CENPP: variants seen among roughly 807,000 people sequenced by gnomAD.
The protein encoded by CENPP is centromere protein P.
CENPP carries 24 observed loss-of-function variants against 35.6 expected under a neutral mutation model. The ratio of observed to expected loss-of-function variants is 0.67; its 90% CI spans 0.49 to 0.95. The LOEUF is 0.95. Among genes scored for constraint, CENPP ranks in the 40% least tolerant of loss-of-function variants. CENPP has a pLI of 0.00. For missense variants in CENPP, 332 were observed against 345.3 expected (o/e 0.96, Z 0.31); for synonymous variants, 120 against 125.5 (o/e 0.96, Z 0.29).
intron 5 of CENPP, among the ~76,000 whole-genome samples, chr9:92,450,852 G>C (rs938604206): frequency 6.6e-6 from 1 of 152,118 alleles, no homozygotes; most frequent in Non-Finnish European, 1.5e-5. Context: ...GTCAGTGATG[G>C]TGAGCATTTT....
At chr9:92,519,235 T>C (rs1847916397) in intron 5 of CENPP, among the ~76,000 whole-genome samples, 1 of 152,156 alleles carries the variant, frequency 6.6e-6, no homozygotes, top group South Asian at 2.1e-4. Flanking sequence ...AAAATACACA[T>C]ATGAGTTTCT....
intron 5 of CENPP, chr9:92,496,363 G>A (rs1372174472): frequency 6.2e-7 from 1 of 1,604,868 alleles, no homozygotes; most frequent in Non-Finnish European, 8.5e-7. Flanking sequence ...ATGATCTTAT[G>A]CATGAAAATG....
At chr9:92,478,679 C>G (rs1845800806) in intron 5 of CENPP, among the ~76,000 whole-genome samples, 1 of 152,110 alleles carries the variant, frequency 6.6e-6, no homozygotes, top group South Asian at 2.1e-4. Flanking sequence ...TCTTGAACTC[C>G]TGACCTTAAG....
At chr9:92,611,232 C>G (rs1259818739) in intron 5 of CENPP, 82 bp from the exon 6 acceptor site, 1 of 1,158,330 alleles carries the variant, frequency 8.6e-7, no homozygotes, top group East Asian at 2.4e-5. Context: ...CGCCAGACAC[C>G]TGGAACGGTG....
intron 5 of CENPP, among the ~76,000 whole-genome samples, chr9:92,553,743 A>G (rs1849662931): frequency 6.6e-6 from 1 of 152,196 alleles, no homozygotes; most frequent in Non-Finnish European, 1.5e-5. Flanking sequence ...TAGAAGAGCT[A>G]CTGATTTGTA....
chr9:92,352,503 G>GTATATATATA (rs1554753073), intron 4 of CENPP, among the ~76,000 whole-genome samples: 1 of 68,996 alleles, frequency 1.4e-5, no homozygotes, highest in Admixed American at 1.4e-4. Flanking sequence ...GTGTGTGTGT[G>GTATATATATA]TGTATACATA....
chr9:92,597,734 G>A (rs1341651018), intron 5 of CENPP, among the ~76,000 whole-genome samples: 6 of 152,190 alleles, frequency 3.9e-5, no homozygotes, highest in Non-Finnish European at 7.3e-5. Context: ...TAGGAGGGAA[G>A]TGAATTCCTT....
rs1588023105 is a variant in CENPP at position 92,326,186 on chromosome 9, G to C, written c.107+81G>C. 8 of 866,476 alleles carry C rather than the reference G, an allele frequency of 9.2e-6. No homozygotes were observed. In the East Asian group the frequency reaches 2.0e-4, roughly 21 times the overall value. 53.7% of individuals were successfully genotyped at this position (866,476 alleles called of 1,614,324 possible). A position where few individuals can be genotyped will look rare whatever the true frequency, so the allele number is the denominator to read the frequency against. ...CGGGTGAATCTCCACAGACATCCTC[G>C]GTCTCCTACTCCCAGCCCTAGAAAG... is the stretch of plus-strand genomic sequence containing the variant. On this transcript the variant is annotated intron_variant, in intron 1 of 7. Transcript: ENST00000375587.
intron 5 of CENPP, among the ~76,000 whole-genome samples, chr9:92,390,953 T>C (rs952767186): frequency 1.3e-5 from 2 of 152,170 alleles, no homozygotes; most frequent in African/African-American, 4.8e-5. Context: ...TTCAGCACCA[T>C]GTGTTGGGTC....
At chr9:92,559,509 C>T (rs1330181206) in intron 5 of CENPP, among the ~76,000 whole-genome samples, 4 of 152,172 alleles carry the variant, frequency 2.6e-5, no homozygotes, top group Non-Finnish European at 4.4e-5. Flanking sequence ...CCATTTCCCT[C>T]AGAGGGTCTG....
rs144377190 is a variant in CENPP, at chr9:92,346,672, G to A, written c.467+885G>A. The stretch of plus-strand genomic sequence containing the variant: ...ATACTATGGGGAAATGGAATGAAGG[G>A]GTGCAATCATTGATACAAGTGAGTC... On this transcript the variant is annotated intron_variant, in intron 4 of 7. Transcript: ENST00000375587. 1.8e-3 allele frequency among the ~76,000 whole-genome samples: 270 copies of A among 152,238 alleles called. 1 individual carries two copies. Among genetic ancestry groups the A allele is most frequent in the South Asian group, 9.3e-3 (45 of 4,814 alleles).
chr9:92,602,645 A>C (rs1383378300), intron 5 of CENPP, among the ~76,000 whole-genome samples: 1 of 152,118 alleles, frequency 6.6e-6, no homozygotes, highest in Non-Finnish European at 1.5e-5. Context: ...TCTGGTTTGG[A>C]GAAGTATGTT....
chr9:92,517,342 A>T (rs1010990866), intron 5 of CENPP: 8 of 422,802 alleles, frequency 1.9e-5, no homozygotes, highest in Non-Finnish European at 3.0e-5. Flanking sequence ...AAGTGGGATA[A>T]TGCACATATA....
intron 5 of CENPP, among the ~76,000 whole-genome samples, chr9:92,418,469 A>G (rs909402953): frequency 1.3e-5 from 2 of 151,850 alleles, no homozygotes; most frequent in Non-Finnish European, 2.9e-5. Context: ...CTAAGTAACC[A>G]TCTTTTAAGA....
At chr9:92,390,016 T>G in intron 5 of CENPP, 1 of 1,606,644 alleles carries the variant, frequency 6.2e-7, no homozygotes, top group Non-Finnish European at 8.5e-7. Flanking sequence ...CTTCTATATC[T>G]TCTATCAAAT....
chr9:92,355,849 A>T (rs992854759), intron 4 of CENPP, among the ~76,000 whole-genome samples: 1 of 152,252 alleles, frequency 6.6e-6, no homozygotes, highest in Non-Finnish European at 1.5e-5. Context: ...ATATTTATAA[A>T]ACAAAATATA....
intron 5 of CENPP, chr9:92,404,571 G>A (rs1247840243): frequency 1.1e-5 from 14 of 1,293,636 alleles, no homozygotes; most frequent in Non-Finnish European, 1.4e-5. Context: ...CCAAGTGGGA[G>A]GGTGAATGAG....
intron 5 of CENPP, among the ~76,000 whole-genome samples, chr9:92,562,572 G>C (rs1414909793): frequency 6.6e-6 from 1 of 152,098 alleles, no homozygotes; most frequent in Non-Finnish European, 1.5e-5. Context: ...TCATATTGTA[G>C]GGTGTGGTGT....
chr9:92,440,334 A>G (rs761705519), intron 5 of CENPP, among the ~76,000 whole-genome samples: 2 of 148,056 alleles, frequency 1.4e-5, no homozygotes, highest in Non-Finnish European at 3.0e-5. Context: ...CACTAGTGAT[A>G]GCTGATGAGT....
Sources: gnomAD v4.1 joint callset for allele counts (sites outside exome capture counted in the v4.1 genomes callset) on GRCh38, gnomAD v4.1.1 for gene constraint, MANE v1.5 for transcripts, NCBI Gene and HGNC (gene_info 2026-07-23, HGNC 2026-07-21) for gene names.